Variants in NF1 observed in about 807,000 individuals in gnomAD.
The protein encoded by NF1 is neurofibromin.
In NF1, 122 loss-of-function variants were observed where a neutral mutation model predicts 325.7. That is an observed-to-expected ratio of 0.37 (90% CI 0.32 to 0.44). The LOEUF (loss-of-function observed/expected upper bound fraction) is 0.44, where lower values mean the gene tolerates loss of function less well. Among genes scored for constraint, NF1 ranks in the 20% least tolerant of loss-of-function variants. The probability of loss-of-function intolerance (pLI) is 1.00; values close to 1 mark genes in which losing one functional copy is unlikely to be tolerated. For synonymous variants in NF1, 1,091 were observed against 1,186.0 expected, an observed-to-expected ratio of 0.92 and a Z score of 1.65; for missense variants, 2,140 against 3,415.4, an observed-to-expected ratio of 0.63 and a Z score of 9.31.
At position 31,368,799 on chromosome 17, in the gene NF1, A is replaced by G. The variant is rs180775394; in HGVS notation, c.8378-5214A>G. Among the ~76,000 whole-genome samples, 152 of 152,338 alleles carry G rather than the reference A, an allele frequency of 1.0e-3. No homozygotes were observed. The highest frequency in any genetic ancestry group is 1.7e-3 in the Non-Finnish European group (115 of 68,020). On this transcript the variant is annotated intron_variant, in intron 57 of 57. Transcript: ENST00000358273. The stretch of plus-strand genomic sequence containing the variant: ...ATAGACAAGTCTGCTGTTATCCTTA[A>G]TTGCCAGATTAAGAATTACAACTAA...
chr17:31,237,616 A>G (rs979595919), intron 29 of NF1, among the ~76,000 whole-genome samples: 12 of 150,238 alleles, frequency 8.0e-5, no homozygotes, highest in Non-Finnish European at 1.6e-4. Flanking sequence ...TCTTGCCATT[A>G]AGCACTTTCA....
chr17:31,161,796 G>A (rs530917213), intron 3 of NF1, among the ~76,000 whole-genome samples: 3 of 152,248 alleles, frequency 2.0e-5, no homozygotes, highest in Admixed American at 1.3e-4. Flanking sequence ...AGCACTTTGG[G>A]AGATCGAGAC....
At chr17:31,227,687 G>A (rs775030978) in intron 20 of NF1, 81 bp downstream of exon 20, 65 of 1,240,318 alleles carry the variant, frequency 5.2e-5, no homozygotes, top group Non-Finnish European at 6.9e-5. Context: ...TTCAAGAGTC[G>A]CTCAGTAAAG....
chr17:31,236,117 C>T, intron 29 of NF1, 96 bp downstream of exon 29: 6 of 839,108 alleles, frequency 7.2e-6, no homozygotes, highest in Admixed American at 2.2e-5. Flanking sequence ...ACCTTCTCCC[C>T]TTGATCATTA....
intron 8 of NF1, among the ~76,000 whole-genome samples, chr17:31,185,537 T>C (rs1237630646): frequency 6.6e-6 from 1 of 152,152 alleles, no homozygotes; most frequent in African/African-American, 2.4e-5. Flanking sequence ...TTTCTAGGGC[T>C]TCAGGGGTGT....
In NF1 at chr17:31,266,084, A is replaced by G. The variant is rs577519216; in HGVS notation, c.4835+745A>G. On this transcript the variant is annotated intron_variant, in intron 36 of 57. Transcript: ENST00000358273. The stretch of plus-strand genomic sequence containing the variant: ...GAGCCTTAGAGACAACATGATACAT[A>G]GAGAAACCACTGACTTTGGAATCTC... Among the ~76,000 whole-genome samples the G allele has an allele frequency of 1.4e-4, 21 of 152,358 alleles. No individual in the cohort carries two copies. The South Asian group carries it at 3.9e-3, about 29-fold the overall frequency.
intron 32 of NF1, 97 bp downstream of exon 32, chr17:31,258,599 A>G: frequency 1.6e-6 from 2 of 1,259,972 alleles, no homozygotes; most frequent in Non-Finnish European, 2.2e-6. Context: ...TATTTGAAAT[A>G]CCCTATGGTT....
intron 1 of NF1, among the ~76,000 whole-genome samples, chr17:31,142,821 C>T (rs1358802848): frequency 3.3e-5 from 5 of 151,312 alleles, no homozygotes; most frequent in Non-Finnish European, 4.4e-5. Flanking sequence ...GAACCGAGAT[C>T]GCGCCACTGT....
chr17:31,304,851 A>G (rs373301819), intron 36 of NF1: 3 of 1,613,998 alleles, frequency 1.9e-6, no homozygotes, highest in African/African-American at 2.7e-5. Flanking sequence ...TGTTATCCAT[A>G]CAAATGTCAG....
chr17:31,369,512 G>C (rs2070592602), intron 57 of NF1, among the ~76,000 whole-genome samples: 1 of 152,156 alleles, frequency 6.6e-6, no homozygotes, highest in Admixed American at 6.5e-5. Flanking sequence ...GGCAAATCAG[G>C]ACCACAGAAG....
At chr17:31,265,912 A>G (rs779861256) in intron 36 of NF1, among the ~76,000 whole-genome samples, 55 of 152,074 alleles carry the variant, frequency 3.6e-4, no homozygotes, top group South Asian at 1.0e-3. Context: ...CTCTTCCTTA[A>G]TAATAGGTAT....
At chr17:31,320,495 A>G in intron 36 of NF1, 5 of 1,401,752 alleles carry the variant, frequency 3.6e-6, no homozygotes, top group South Asian at 2.4e-5. Context: ...GTTATATGTC[A>G]TTGGCTGACA....
Position 31,242,301 on chromosome 17 carries a change from T to TTC in NF1, c.3974+6284_3974+6285dup, listed in dbSNP as rs1312649860. ...AATATCTTTCCCTAGGTTTCATAAG[T>TTC]TCTCTTTTTTTTTTTTTTTTTTTTT... On this transcript the variant is annotated intron_variant, in intron 29 of 57. Transcript: ENST00000358273. Among the ~76,000 whole-genome samples the TTC allele has an allele frequency of 3.9e-4, 53 of 136,044 alleles. 1 individual carries two copies. Among genetic ancestry groups the TTC allele is most frequent in the East Asian group, 2.4e-3 (11 of 4,632 alleles). The allele number at this position is 136,044 out of a possible 152,430, so 89.3% of individuals were successfully genotyped here.
Position 31,222,907 on chromosome 17 carries a change from G to T in NF1, c.1722-537G>T, listed in dbSNP as rs1009635277. 1.7e-4 allele frequency: 27 copies of T among 158,536 alleles called. 1 individual carries two copies. The highest frequency in any genetic ancestry group is 1.6e-3 in the Admixed American group (27 of 16,364). 9.8% of individuals were successfully genotyped at this position (158,536 alleles called of 1,614,324 possible). On this transcript the variant is annotated intron_variant, in intron 15 of 57. Coordinates refer to ENST00000358273, the MANE Select transcript of NF1 (RefSeq NM_001042492.3). The stretch of plus-strand genomic sequence containing the variant: ...GGATCAGGAAACTTTTCTCTAAAAG[G>T]CCAGATAGTAAATATTTTAGGGCTT...
intron 12 of NF1, among the ~76,000 whole-genome samples, chr17:31,213,566 A>G (rs534386605): frequency 6.6e-6 from 1 of 152,342 alleles, no homozygotes; most frequent in South Asian, 2.1e-4. Context: ...AAAGACATTC[A>G]TTCAGAATCA....
chr17:31,130,771 C>T (rs546426771), intron 1 of NF1, among the ~76,000 whole-genome samples: 9 of 152,104 alleles, frequency 5.9e-5, no homozygotes, highest in East Asian at 1.9e-4. Context: ...TGTGTGCTGG[C>T]GGGGAAGGGA....
intron 36 of NF1, among the ~76,000 whole-genome samples, chr17:31,283,900 G>A (rs2151488040): frequency 6.6e-6 from 1 of 152,332 alleles, no homozygotes; most frequent in Middle Eastern, 3.4e-3. Flanking sequence ...GATTTCTTGA[G>A]TGGTTTTGTT....
chr17:31,274,232 A>G (rs1191956922), intron 36 of NF1, among the ~76,000 whole-genome samples: 2 of 152,142 alleles, frequency 1.3e-5, no homozygotes, highest in African/African-American at 2.4e-5. Flanking sequence ...TAAACCAGTC[A>G]CCTTGAAGTG....
In NF1 at chr17:31,163,404, C is replaced by T. The variant is rs140312947; in HGVS notation, c.479+28C>T. 17 of 1,598,822 alleles carry T rather than the reference C, an allele frequency of 1.1e-5. No individual in the cohort carries two copies. The East Asian group carries it at 3.6e-4, about 34-fold the overall frequency. On this transcript the variant is annotated intron_variant, in intron 4 of 57. Coordinates refer to ENST00000358273, the MANE Select transcript of NF1 (RefSeq NM_001042492.3). ...TAGTGTGTAAATCCACATGGGACTA[C>T]TGAAGTAATATGAATATTAGAAGTT...
Sources: allele counts gnomAD v4.1 joint callset (sites outside exome capture counted in the v4.1 genomes callset), GRCh38; gene constraint gnomAD v4.1.1; transcripts MANE v1.5; gene names NCBI Gene and HGNC (gene_info 2026-07-23, HGNC 2026-07-21).